PATJ: variants seen among roughly 807,000 people sequenced by gnomAD.
PATJ encodes the protein PATJ crumbs cell polarity complex component.
Under a neutral mutation model 224.9 loss-of-function variants are expected in PATJ, and 190 were observed. The ratio of observed to expected loss-of-function variants is 0.84; its 90% CI spans 0.75 to 0.95. The LOEUF (loss-of-function observed/expected upper bound fraction) is 0.95, where lower values mean the gene tolerates loss of function less well. Among genes scored for constraint, PATJ ranks in the 40% least tolerant of loss-of-function variants. The pLI is 0.00. For synonymous variants in PATJ, 769 were observed against 820.3 expected, an observed-to-expected ratio of 0.94 and a Z score of 1.07; for missense variants, 2,121 against 2,270.3, an observed-to-expected ratio of 0.93 and a Z score of 1.34.
chr1:62,030,010 G>A (rs1437402663), intron 29 of PATJ, among the ~76,000 whole-genome samples: 1 of 152,154 alleles, frequency 6.6e-6, no homozygotes, highest in East Asian at 1.9e-4. Flanking sequence ...GGAGCAATTT[G>A]GATGGATTCA....
chr1:62,092,260 GTCC>G (rs1660838135), intron 33 of PATJ, among the ~76,000 whole-genome samples: 1 of 151,744 alleles, frequency 6.6e-6, no homozygotes, highest in Non-Finnish European at 1.5e-5. Context: ...TGTGCCTGTA[GTCC>G]CAACTACCTG....
At chr1:62,026,608 G>A (rs1647994286) in intron 29 of PATJ, among the ~76,000 whole-genome samples, 1 of 152,024 alleles carries the variant, frequency 6.6e-6, no homozygotes, top group African/African-American at 2.4e-5. Context: ...CTGAATTCAG[G>A]CACATAACTT....
chr1:61,895,365 A>G (rs948478853), intron 22 of PATJ, among the ~76,000 whole-genome samples: 3 of 152,232 alleles, frequency 2.0e-5, no homozygotes, highest in African/African-American at 7.2e-5. Context: ...CTCCCATCAC[A>G]GTCCCAGAGG....
intron 28 of PATJ, among the ~76,000 whole-genome samples, chr1:61,998,956 G>T (rs1645579687): frequency 6.6e-6 from 1 of 152,056 alleles, no homozygotes; most frequent in East Asian, 1.9e-4. Context: ...TTTTATTACT[G>T]CAGTCCTCAT....
At chr1:61,988,439 T>A (rs151000132) in intron 27 of PATJ, among the ~76,000 whole-genome samples, 31 of 152,332 alleles carry the variant, frequency 2.0e-4, no homozygotes, top group African/African-American at 7.2e-4. Flanking sequence ...TTCATTCAAG[T>A]ACCCACACAG....
chr1:62,152,225 G>T (rs1056999017), intron 42 of PATJ, among the ~76,000 whole-genome samples: 8 of 152,278 alleles, frequency 5.3e-5, no homozygotes, highest in Non-Finnish European at 8.8e-5. Context: ...ATGGAAATTT[G>T]GACTCAATGT....
chr1:62,045,971 C>T (rs1249294615), intron 30 of PATJ, among the ~76,000 whole-genome samples: 1 of 152,004 alleles, frequency 6.6e-6, no homozygotes, highest in Non-Finnish European at 1.5e-5. Flanking sequence ...GAGGCTAGGA[C>T]CGAAGGAGTG....
intron 29 of PATJ, among the ~76,000 whole-genome samples, chr1:62,032,969 A>G (rs935260431): frequency 1.3e-5 from 2 of 152,016 alleles, no homozygotes; most frequent in Non-Finnish European, 2.9e-5. Context: ...CTGAGAACTC[A>G]CTCACTGTCA....
chr1:61,765,254 T>C (rs145151377), intron 3 of PATJ, among the ~76,000 whole-genome samples: 29 of 151,828 alleles, frequency 1.9e-4, no homozygotes, highest in African/African-American at 6.0e-4. Context: ...TTTGTATTTT[T>C]TGTTGAGACA....
intron 41 of PATJ, among the ~76,000 whole-genome samples, chr1:62,137,383 C>T (rs1413109912): frequency 4.7e-5 from 5 of 106,130 alleles, no homozygotes; most frequent in African/African-American, 7.7e-5. Flanking sequence ...TGAGTTTCGT[C>T]GGAGGGGGGA....
intron 26 of PATJ, 61 bp from the exon 27 acceptor site, chr1:61,927,669 A>T (rs962571482): frequency 9.7e-7 from 1 of 1,035,606 alleles, no homozygotes; most frequent in Non-Finnish European, 1.5e-6. Flanking sequence ...GCTTTTTGTC[A>T]TTGAAGAAAG....
At chr1:61,751,037 T>C (rs938548653) in intron 1 of PATJ, among the ~76,000 whole-genome samples, 3 of 150,672 alleles carry the variant, frequency 2.0e-5, no homozygotes, top group African/African-American at 7.3e-5. Context: ...TCTCACACTC[T>C]GTTGCCCAGG....
chr1:62,099,018 A>C (rs1661769478), intron 33 of PATJ, among the ~76,000 whole-genome samples: 1 of 152,190 alleles, frequency 6.6e-6, no homozygotes. Flanking sequence ...ACTGTAGTAG[A>C]CATCACAAAT....
intron 31 of PATJ, chr1:62,054,204 A>AAG: frequency 5.3e-6 from 1 of 188,276 alleles, no homozygotes; most frequent in African/African-American, 2.4e-5. Flanking sequence ...AAAAAAAAAA[A>AAG]AAGAAGAAAT....
At chr1:61,882,658 C>G (rs1477188879) in intron 21 of PATJ, among the ~76,000 whole-genome samples, 1 of 152,102 alleles carries the variant, frequency 6.6e-6, no homozygotes, top group East Asian at 1.9e-4. Flanking sequence ...TGACATCACT[C>G]CTCACTGTGA....
intron 18 of PATJ, among the ~76,000 whole-genome samples, chr1:61,858,186 A>C (rs1663991706): frequency 6.6e-6 from 1 of 152,098 alleles, no homozygotes; most frequent in East Asian, 1.9e-4. Context: ...GCAGAAGACA[A>C]AGTGGGGGCA....
At chr1:61,860,906 G>A (rs1318197558) in intron 18 of PATJ, among the ~76,000 whole-genome samples, 1 of 151,934 alleles carries the variant, frequency 6.6e-6, no homozygotes, top group African/African-American at 2.4e-5. Flanking sequence ...CAGACAGCCA[G>A]GGTCGAAATT....
chr1:61,968,533 CA>C (rs1682490326), intron 27 of PATJ, among the ~76,000 whole-genome samples: 1 of 151,964 alleles, frequency 6.6e-6, no homozygotes, highest in African/African-American at 2.4e-5. Flanking sequence ...TTTATCTTCC[CA>C]AACTGAAATT....
chr1:61,815,530 G>A (rs1655929880), intron 14 of PATJ, among the ~76,000 whole-genome samples: 1 of 152,006 alleles, frequency 6.6e-6, no homozygotes, highest in African/African-American at 2.4e-5. Flanking sequence ...GCCATCCCAT[G>A]GCCATCACTC....
Sources: gnomAD v4.1 joint callset for allele counts (sites outside exome capture counted in the v4.1 genomes callset) on GRCh38, gnomAD v4.1.1 for gene constraint, MANE v1.5 for transcripts, NCBI Gene and HGNC (gene_info 2026-07-23, HGNC 2026-07-21) for gene names.